Variants in ACAA2 observed in about 807,000 individuals in gnomAD.
ACAA2 encodes acetyl-CoA acyltransferase 2.
Under a neutral mutation model 44.8 loss-of-function variants are expected in ACAA2, and 35 were observed. The ratio of observed to expected loss-of-function variants is 0.78; its 90% CI spans 0.60 to 1.04. ACAA2 has a LOEUF of 1.04. Ranked by LOEUF, ACAA2 falls within the 50% of genes least tolerant of loss-of-function variation. ACAA2 has a pLI of 0.00. For synonymous variants in ACAA2, 142 were observed against 166.5 expected (o/e 0.85, Z 1.13); for missense variants, 468 against 482.6 (o/e 0.97, Z 0.28).
Position 49,787,183 on chromosome 18 carries a change from T to C in ACAA2, c.954+108A>G. ...ATGTACATCATTTGGAAAGGCTAAC[T>C]ACAATGAAATTCAAAGAGCAATGAG... On this transcript the variant is annotated intron_variant, in intron 8 of 9. Transcript: ENST00000285093. The C allele has an allele frequency of 2.8e-5, 25 of 881,488 alleles. 1 individual carries two copies. Among genetic ancestry groups the C allele is most frequent in the Non-Finnish European group, 4.0e-5 (25 of 627,684 alleles). 54.6% of individuals were successfully genotyped at this position (881,488 alleles called of 1,614,324 possible). A position where few individuals can be genotyped will look rare whatever the true frequency, so the allele number is the denominator to read the frequency against.
At chr18:49,800,736 A>G (rs1388623436) in intron 2 of ACAA2, among the ~76,000 whole-genome samples, 2 of 152,076 alleles carry the variant, frequency 1.3e-5, no homozygotes, top group Admixed American at 1.3e-4. Context: ...CCCTAATCTC[A>G]AGTACCCAGG....
intron 3 of ACAA2, 33 bp from the exon 4 acceptor site, chr18:49,795,914 T>C (rs1483977920): frequency 4.5e-6 from 6 of 1,340,232 alleles, no homozygotes. Flanking sequence ...AAAAACTCCT[T>C]TTACCGTACC....
At chr18:49,794,969 G>C (rs917240923) in intron 4 of ACAA2, among the ~76,000 whole-genome samples, 2 of 152,168 alleles carry the variant, frequency 1.3e-5, no homozygotes, top group African/African-American at 4.8e-5. Context: ...TATTCAAGTA[G>C]TTAGTCTCTG....
intron 1 of ACAA2, among the ~76,000 whole-genome samples, chr18:49,803,302 A>G (rs1315155360): frequency 6.7e-6 from 1 of 149,640 alleles, no homozygotes; most frequent in Non-Finnish European, 1.5e-5. Context: ...GACCTAAACT[A>G]CTTGTGTTAT....
chr18:49,785,115 T>C, intron 9 of ACAA2, 82 bp downstream of exon 9: 3 of 1,495,324 alleles, frequency 2.0e-6, no homozygotes, highest in Non-Finnish European at 2.7e-6. Context: ...ATGAAAAATG[T>C]TGGAGTGTTC....
At chr18:49,802,555 C>T (rs2023565671) in intron 2 of ACAA2, 132 bp downstream of exon 2, 11 of 766,682 alleles carry the variant, frequency 1.4e-5, no homozygotes, top group Non-Finnish European at 2.0e-5. Flanking sequence ...AGCGAGACTC[C>T]ATCTCAAAAA....
Position 49,785,351 on chromosome 18 carries a change from C to T in ACAA2, c.955G>A (p.Val319Met), listed in dbSNP as rs780297180. 6.2e-7 allele frequency: 1 copy of T among 1,612,612 alleles called. No individual in the cohort carries two copies. The highest frequency in any genetic ancestry group is 1.3e-5 in the African/African-American group (1 of 74,778). ...LSLKDMDLVE[V>M]NEAFAPQYLA... ...TACTGGGGAGCAAAAGCTTCATTCACCTTAAAACAAAAATTAGAGCACTAA... is the reference window on the plus strand; with the variant it reads ...TACTGGGGAGCAAAAGCTTCATTCATCTTAAAACAAAAATTAGAGCACTAA... Residue 319 changes from valine (V) to methionine (M), a missense_variant and splice_region_variant, in exon 9 of 10, where the codon GTG (valine) becomes ATG (methionine). By Grantham distance (21) the Val-to-Met change is conservative (BLOSUM62 1). Transcript: ENST00000285093.
chr18:49,798,120 T>C (rs2023486327), intron 2 of ACAA2, among the ~76,000 whole-genome samples: 1 of 152,162 alleles, frequency 6.6e-6, no homozygotes, highest in Non-Finnish European at 1.5e-5. Context: ...GAAGCTTTAT[T>C]AACATACTCA....
intron 2 of ACAA2, among the ~76,000 whole-genome samples, chr18:49,801,793 T>TAG (rs2023551522): frequency 7.2e-6 from 1 of 139,238 alleles, no homozygotes; most frequent in Non-Finnish European, 1.5e-5. Flanking sequence ...ATCATATATA[T>TAG]ATATATATAT....
chr18:49,810,947 T>TGCGGAGCCGAA (rs1555791355), intron 1 of ACAA2, among the ~76,000 whole-genome samples: 17 of 143,566 alleles, frequency 1.2e-4, no homozygotes, highest in Non-Finnish European at 2.0e-4. Flanking sequence ...TAATCTGGGA[T>TGCGGAGCCGAA]GTGCAGATAG....
Position 49,792,179 on chromosome 18 carries a change from A to ATCTT in ACAA2, c.722_725dup (p.Asp242GlufsTer15). The stretch of plus-strand genomic sequence containing the variant: ...ATGCATTCCCTGCAGTAACAGTTCC[A>ATCTT]TCTTTCTTGAATACTGGAGGAAGTT... On this transcript the variant is annotated frameshift_variant, in exon 6 of 10. Transcript: ENST00000285093. LOFTEE classifies it high-confidence loss of function. 1 of 1,613,976 alleles carries ATCTT rather than the reference A, an allele frequency of 6.2e-7. No individual in the cohort carries two copies. Among genetic ancestry groups the ATCTT allele is most frequent in the Non-Finnish European group, 8.5e-7 (1 of 1,179,898 alleles).
chr18:49,807,938 G>A (rs1568591467), intron 1 of ACAA2, among the ~76,000 whole-genome samples: 1 of 150,432 alleles, frequency 6.6e-6, no homozygotes, highest in Non-Finnish European at 1.5e-5. Flanking sequence ...ACTGATAAGG[G>A]ACTGGTATCC....
chr18:49,783,913 A>C lies in ACAA2; in HGVS notation c.1128T>G (p.Tyr376Ter). ...CTCCAATGCAAGCTGATCCAACGGC[A>C]TATTTTCCACCTCGACGCCTGAAAA... ...VHELRRRGGK[Y>*]AVGSACIGGG... The change falls in exon 10 of 10, where the codon TAT (tyrosine) becomes TAG (stop). Residue 376 changes from tyrosine to a stop codon, truncating the protein, a stop_gained. Coordinates refer to ENST00000285093, the MANE Select transcript of ACAA2 (RefSeq NM_006111.3). LOFTEE classifies it high-confidence loss of function. The C allele has an allele frequency of 6.2e-7, 1 of 1,614,134 alleles. No homozygotes were observed.
At chr18:49,797,329 G>T in intron 3 of ACAA2, 137 bp downstream of exon 3, 1 of 615,626 alleles carries the variant, frequency 1.6e-6, no homozygotes, top group Non-Finnish European at 2.6e-6. Context: ...CTGGAGTGCA[G>T]TGGTATGATC....
At chr18:49,810,136 T>C (rs1297311700) in intron 1 of ACAA2, among the ~76,000 whole-genome samples, 1 of 152,042 alleles carries the variant, frequency 6.6e-6, no homozygotes, top group Non-Finnish European at 1.5e-5. Context: ...AGAGAATGGA[T>C]TTAAAAAAAC....
Position 49,794,319 on chromosome 18 carries a change from C to T in ACAA2, c.538G>A (p.Asp180Asn). ...TGCTGTGACTGCAGGGCATATTTGTCACATTCTTCTCTGCTTATTTTGTGT... is the reference window on the plus strand; with the variant it reads ...TGCTGTGACTGCAGGGCATATTTGTTACATTCTTCTCTGCTTATTTTGTGT... ...VKHKISREECDKYALQSQQRW... is the reference protein window; with the variant it reads ...VKHKISREECNKYALQSQQRW... The change falls in exon 5 of 10, where the codon GAC becomes AAC. Residue 180 changes from aspartate to asparagine, a missense_variant. Asp to Asn is a conservative substitution (Grantham distance 23). Transcript: ENST00000285093. 6.2e-7 allele frequency: 1 copy of T among 1,609,780 alleles called. No individual in the cohort carries two copies. The highest frequency in any genetic ancestry group is 8.5e-7 in the Non-Finnish European group (1 of 1,179,278).
intron 2 of ACAA2, among the ~76,000 whole-genome samples, chr18:49,801,812 A>ATATATATATCTATC (rs1347357878): frequency 2.1e-5 from 3 of 143,312 alleles, no homozygotes; most frequent in African/African-American, 5.2e-5. Flanking sequence ...ATATATATAT[A>ATATATATATCTATC]TATCTTATCT....
intron 4 of ACAA2, among the ~76,000 whole-genome samples, chr18:49,795,528 A>G (rs1021907397): frequency 2.6e-5 from 4 of 152,128 alleles, no homozygotes; most frequent in Non-Finnish European, 4.4e-5. Flanking sequence ...TAATTATACT[A>G]CTAGAGGTCT....
At chr18:49,791,418 A>C (rs2023397271) in intron 7 of ACAA2, 52 bp downstream of exon 7, 1 of 1,571,766 alleles carries the variant, frequency 6.4e-7, no homozygotes, top group Non-Finnish European at 8.7e-7. Context: ...ATGCCAAAGA[A>C]GACTTACCTC....
Sources: gnomAD v4.1 joint callset for allele counts (sites outside exome capture counted in the v4.1 genomes callset) on GRCh38, gnomAD v4.1.1 for gene constraint, MANE v1.5 for transcripts, NCBI Gene and HGNC (gene_info 2026-07-23, HGNC 2026-07-21) for gene names.